The following PRRC2B variants were observed in gnomAD, a reference collection of about 807,000 sequenced individuals.
PRRC2B encodes the protein protein PRRC2B.
PRRC2B carries 68 observed loss-of-function variants against 242.3 expected under a neutral mutation model. The observed-to-expected ratio is 0.28, with a 90% CI of 0.23 to 0.34. The LOEUF (loss-of-function observed/expected upper bound fraction) is 0.34, where lower values mean the gene tolerates loss of function less well. Ranked by LOEUF, PRRC2B falls within the 10% of genes least tolerant of loss-of-function variation. PRRC2B has a pLI of 1.00. For synonymous variants in PRRC2B, 1,228 were observed against 1,173.6 expected, an observed-to-expected ratio of 1.05 and a Z score of -0.95; for missense variants, 2,835 against 2,954.8, an observed-to-expected ratio of 0.96 and a Z score of 0.94.
chr9:131,394,824 G>T (rs1334147988), intron 1 of PRRC2B, among the ~76,000 whole-genome samples: 1 of 152,038 alleles, frequency 6.6e-6, no homozygotes, highest in Non-Finnish European at 1.5e-5. Context: ...TTGGCGGCTG[G>T]GGGAGGGAGG....
At chr9:131,416,113 T>C (rs1837641199) in intron 1 of PRRC2B, among the ~76,000 whole-genome samples, 1 of 149,526 alleles carries the variant, frequency 6.7e-6, no homozygotes, top group Non-Finnish European at 1.5e-5. Flanking sequence ...TTCTTTTCTT[T>C]CTTTTTTTTT....
chr9:131,475,968 G>T lies in PRRC2B; in HGVS notation c.3839G>T (p.Arg1280Ile). The change falls in exon 16 of 32, where the codon AGA becomes ATA. Residue 1280 changes from arginine (R) to isoleucine (I), a missense_variant. Around this residue, in one of 7 missense-constraint regions of PRRC2B, gnomAD observed 1,536 missense variants for 1,483.1 expected, o/e 1.04. Transcript: ENST00000683519. Reference protein sequence around the residue: ...GFEDSRAEDKRSFFQDEHVAD... With the variant: ...GFEDSRAEDKISFFQDEHVAD... ...GAGGACAGCCGCGCGGAGGACAAGA[G>T]ATCCTTCTTCCAAGATGAACACGTG... 6.2e-7 allele frequency: 1 copy of T among 1,611,974 alleles called. No individual in the cohort carries two copies. The highest frequency in any genetic ancestry group is 1.1e-5 in the South Asian group (1 of 91,066).
At chr9:131,415,771 A>G (rs967320485) in intron 1 of PRRC2B, among the ~76,000 whole-genome samples, 1 of 152,150 alleles carries the variant, frequency 6.6e-6, no homozygotes, top group East Asian at 1.9e-4. Context: ...GATGACTTTT[A>G]GAAGCTTTTA....
At chr9:131,382,885 TC>T (rs1836778996) in intron 1 of PRRC2B, among the ~76,000 whole-genome samples, 1 of 152,106 alleles carries the variant, frequency 6.6e-6, no homozygotes, top group Non-Finnish European at 1.5e-5. Flanking sequence ...CCTCAAGTGA[TC>T]CGCCCGCCTT....
intron 3 of PRRC2B, 95 bp downstream of exon 3, chr9:131,432,889 A>G (rs951191955): frequency 4.7e-6 from 6 of 1,263,782 alleles, no homozygotes; most frequent in Middle Eastern, 2.7e-4. Flanking sequence ...CCCTTTGGCT[A>G]CTGCAGCGCT....
intron 28 of PRRC2B, chr9:131,490,448 G>GGA (rs1277146568): frequency 3.9e-6 from 2 of 518,868 alleles, no homozygotes; most frequent in Non-Finnish European, 7.7e-6. Flanking sequence ...GGTGCTCCAA[G>GGA]GAGGAGCATG....
intron 2 of PRRC2B, 112 bp from the exon 3 acceptor site, chr9:131,432,505 G>T (rs1241915140): frequency 1.9e-6 from 2 of 1,048,412 alleles, no homozygotes; most frequent in Non-Finnish European, 2.8e-6. Flanking sequence ...TTTTTTGTTG[G>T]GTTAGCTTTG....
chr9:131,478,328 G>C (rs1220324907), intron 17 of PRRC2B, 146 bp from the exon 18 acceptor site: 1 of 782,686 alleles, frequency 1.3e-6, no homozygotes, highest in Non-Finnish European at 2.2e-6. Flanking sequence ...CAATGTGTTA[G>C]ATCAGAGGCG....
intron 1 of PRRC2B, among the ~76,000 whole-genome samples, chr9:131,420,553 A>G (rs556731240): frequency 1.5e-5 from 2 of 129,036 alleles, no homozygotes; most frequent in Admixed American, 8.9e-5. Flanking sequence ...AGTGCAGTGC[A>G]TGATCTCGGC....
At chr9:131,433,694 C>T (rs1838251919) in intron 3 of PRRC2B, among the ~76,000 whole-genome samples, 1 of 152,198 alleles carries the variant, frequency 6.6e-6, no homozygotes, top group African/African-American at 2.4e-5. Flanking sequence ...CTGGTGGCCT[C>T]CCTGCTGATG....
intron 1 of PRRC2B, among the ~76,000 whole-genome samples, chr9:131,401,407 A>G (rs1837223610): frequency 6.9e-6 from 1 of 144,810 alleles, no homozygotes; most frequent in Non-Finnish European, 1.5e-5. Context: ...TTTTTGAGAT[A>G]GGGTCTCACT....
At chr9:131,466,617 A>G (rs908948402) in intron 12 of PRRC2B, among the ~76,000 whole-genome samples, 1 of 115,386 alleles carries the variant, frequency 8.7e-6, no homozygotes, top group Admixed American at 1.1e-4. Flanking sequence ...GCTGTTCTCT[A>G]TCAGTCCTTT....
At chr9:131,488,251 T>G (rs1944082422) in intron 28 of PRRC2B, among the ~76,000 whole-genome samples, 155 bp downstream of exon 28, 1 of 148,110 alleles carries the variant, frequency 6.8e-6, no homozygotes, top group Non-Finnish European at 1.5e-5. Flanking sequence ...ATCAGCCTCT[T>G]CTGAGTAGCC....
rs774316505 is a variant in PRRC2B at position 131,444,343 on chromosome 9, C to T, written c.613+15C>T. 1 of 1,607,926 alleles carries T rather than the reference C, an allele frequency of 6.2e-7. No homozygotes were observed. The highest frequency in any genetic ancestry group is 2.2e-5 in the East Asian group (1 of 44,648). On this transcript the variant is annotated intron_variant, in intron 6 of 31. Transcript: ENST00000683519. ...CCGCCCTCAGAGTAAGTGACTGCAGCCTCTGGGCACTCGATGGAGTAACAG... is the reference window on the plus strand; with the variant it reads ...CCGCCCTCAGAGTAAGTGACTGCAGTCTCTGGGCACTCGATGGAGTAACAG...
chr9:131,415,327 C>G (rs1351916710), intron 1 of PRRC2B, among the ~76,000 whole-genome samples: 1 of 152,198 alleles, frequency 6.6e-6, no homozygotes, highest in East Asian at 1.9e-4. Flanking sequence ...CAAGTAATTG[C>G]AAGTCCAGAA....
At chr9:131,430,561 A>ATGTGTGTGTG (rs200517031) in intron 2 of PRRC2B, among the ~76,000 whole-genome samples, 5,917 of 118,510 alleles carry the variant, frequency 0.05, 168 homozygotes, top group Middle Eastern at 0.11. Context: ...GTGTGTGTGT[A>ATGTGTGTGTG]TGTGTGTGTG....
At chr9:131,384,915 G>A (rs1185069967) in intron 1 of PRRC2B, among the ~76,000 whole-genome samples, 1 of 152,192 alleles carries the variant, frequency 6.6e-6, no homozygotes, top group East Asian at 1.9e-4. Context: ...AGATGGACAG[G>A]AAGTAACTGA....
In PRRC2B at chr9:131,464,995, G is replaced by C; in HGVS notation, c.1637G>C (p.Arg546Pro). Residue 546 changes from arginine (R) to proline (P), a missense_variant, in exon 12 of 32, where the codon CGG (arginine) becomes CCG (proline). Arg to Pro is a moderately radical substitution (Grantham distance 103). This residue lies in a region of PRRC2B where 1,536 missense variants were observed against 1,483.1 expected (regional missense o/e 1.04). Transcript: ENST00000683519. ...CKQARKAGEA[R>P]KQAEKEVPWS... is the part of the protein sequence containing the mutation. Reference sequence around the variant, plus strand: ...CAGGCACGAAAGGCAGGTGAGGCCCGGAAGCAGGCAGAGAAGGAAGTGCCC... The same window carrying C: ...CAGGCACGAAAGGCAGGTGAGGCCCCGAAGCAGGCAGAGAAGGAAGTGCCC... 2 of 1,614,004 alleles carry C rather than the reference G, an allele frequency of 1.2e-6. No individual in the cohort carries two copies. Among genetic ancestry groups the C allele is most frequent in the African/African-American group, 1.3e-5 (1 of 75,044 alleles).
chr9:131,490,582 C>A (rs1363116076), intron 28 of PRRC2B: 1 of 519,084 alleles, frequency 1.9e-6, no homozygotes, highest in South Asian at 1.4e-5. Flanking sequence ...CCAAAAGTGG[C>A]CCAGCCCCCC....
Sources: gnomAD v4.1 joint callset for allele counts (sites outside exome capture counted in the v4.1 genomes callset) on GRCh38, gnomAD v4.1.1 for gene constraint, gnomAD v4.1.1 regional missense constraint, MANE v1.5 for transcripts, NCBI Gene and HGNC (gene_info 2026-07-23, HGNC 2026-07-21) for gene names.